The following CENPK variants were observed in gnomAD, a reference collection of about 807,000 sequenced individuals.
The protein encoded by CENPK is centromere protein K, also known as SoxLZ/Sox6-binding protein Solt.
In CENPK, 46 loss-of-function variants were observed where a neutral mutation model predicts 40.9. The ratio of observed to expected loss-of-function variants is 1.13; its 90% CI spans 0.89 to 1.44. The LOEUF (loss-of-function observed/expected upper bound fraction) is 1.44. Ranked by LOEUF, CENPK falls within the 40% of genes most tolerant of loss-of-function variation. The pLI, the probability that CENPK is intolerant of heterozygous loss-of-function variation, is 0.00. For synonymous variants in CENPK, 107 were observed against 104.4 expected, an observed-to-expected ratio of 1.02 and a Z score of -0.15; for missense variants, 288 against 303.5, an observed-to-expected ratio of 0.95 and a Z score of 0.38.
At chr5:65,528,876 A>G in intron 8 of CENPK, 43 bp downstream of exon 8, 2 of 1,225,760 alleles carry the variant, frequency 1.6e-6, no homozygotes, top group Non-Finnish European at 2.3e-6. Context: ...CAAAAAATAA[A>G]ATACTTTTCC....
chr5:65,562,528 AAG>A (rs1338277034), intron 1 of CENPK, among the ~76,000 whole-genome samples: 1 of 152,220 alleles, frequency 6.6e-6, no homozygotes, highest in African/African-American at 2.4e-5. Flanking sequence ...GCAGAGAAAA[AAG>A]AAGTGTTTTA....
At chr5:65,515,605 C>G (rs946411956), downstream of CENPK, among the ~76,000 whole-genome samples, 10 of 152,178 alleles carry the variant, frequency 6.6e-5, no homozygotes, top group Admixed American at 5.9e-4. Context: ...GTTCCTTAAT[C>G]TACAAGTATT....
At chr5:65,500,864 G>A in the CENPK span, among the ~76,000 whole-genome samples, 1 of 151,902 alleles carries the variant, frequency 6.6e-6, no homozygotes, top group Non-Finnish European at 1.5e-5. Context: ...TAGAGACGGG[G>A]TTACACCATG....
chr5:65,518,565 T>C lies in CENPK; in HGVS notation c.720A>G (p.Pro240=), dbSNP rs112503088. The C allele has an allele frequency of 3.1e-6, 5 of 1,612,012 alleles. No individual in the cohort carries two copies. The African/African-American group carries it at 4.0e-5, about 13-fold the overall frequency. Residue 240 remains proline (P), a synonymous_variant, in exon 11 of 11, where the codon CCA becomes CCG. Coordinates refer to ENST00000396679, the MANE Select transcript of CENPK (RefSeq NM_022145.5). ...TACGCAGCAGCAGCTCAACATAAGG[T>C]GGCCAAAAGGAATCACTAATTTTGA... ...PYVKISDSFW[P]PYVELLLRNG...
intron 5 of CENPK, among the ~76,000 whole-genome samples, chr5:65,545,252 A>G (rs1748679731): frequency 1.3e-5 from 2 of 151,956 alleles, no homozygotes; most frequent in Admixed American, 1.3e-4. Flanking sequence ...ATAAAGCCAA[A>G]GAAATCCAGG....
At chr5:65,540,810 T>C (rs923123599) in intron 6 of CENPK, among the ~76,000 whole-genome samples, 2 of 25,274 alleles carry the variant, frequency 7.9e-5, no homozygotes, top group African/African-American at 3.0e-4. Flanking sequence ...ACTGTATCCT[T>C]TTTTTTTTTT....
intron 6 of CENPK, among the ~76,000 whole-genome samples, chr5:65,532,352 T>C (rs891016396): frequency 1.3e-5 from 2 of 152,212 alleles, no homozygotes; most frequent in Non-Finnish European, 2.9e-5. Context: ...AAAAAATTAC[T>C]ATTCTATACA....
chr5:65,549,251 C>T (rs540147748), intron 5 of CENPK, among the ~76,000 whole-genome samples: 274 of 151,986 alleles, frequency 1.8e-3, no homozygotes, highest in Non-Finnish European at 2.9e-3. Context: ...TGGGCTTAAA[C>T]TATTCAGTAA....
intron 6 of CENPK, among the ~76,000 whole-genome samples, chr5:65,535,224 C>A: frequency 6.6e-6 from 1 of 151,990 alleles, no homozygotes; most frequent in East Asian, 1.9e-4. Flanking sequence ...AGAACAAAAC[C>A]CTGTCGAGGA....
intron 4 of CENPK, among the ~76,000 whole-genome samples, chr5:65,551,960 ATTT>A (rs369700253): frequency 1.6e-5 from 2 of 125,300 alleles, no homozygotes; most frequent in Admixed American, 8.1e-5. Flanking sequence ...CCTTTGTTCT[ATTT>A]TTTTTTTTTT....
intron 6 of CENPK, among the ~76,000 whole-genome samples, chr5:65,535,229 C>T (rs777174825): frequency 9.0e-5 from 13 of 145,084 alleles, no homozygotes; most frequent in Middle Eastern, 3.4e-3. Context: ...AAAACCCTGT[C>T]GAGGATGGAA....
chr5:65,512,590 T>C, the CENPK span, among the ~76,000 whole-genome samples: 1 of 152,360 alleles, frequency 6.6e-6, no homozygotes, highest in East Asian at 1.9e-4. Context: ...TTAAATAATG[T>C]ATGCACATTT....
chr5:65,503,172 C>T, the CENPK span, among the ~76,000 whole-genome samples: 15 of 145,520 alleles, frequency 1.0e-4, no homozygotes, highest in Middle Eastern at 3.6e-3. Context: ...TGCAGTGTCT[C>T]GATCTCAGCT....
intron 10 of CENPK, among the ~76,000 whole-genome samples, chr5:65,519,294 A>C (rs1743275144): frequency 6.6e-6 from 1 of 152,238 alleles, no homozygotes; most frequent in Non-Finnish European, 1.5e-5. Context: ...AAGCTAGCTA[A>C]TGTGGATTGA....
the CENPK span, among the ~76,000 whole-genome samples, chr5:65,497,889 TA>T: frequency 6.6e-6 from 1 of 151,864 alleles, no homozygotes; most frequent in East Asian, 1.9e-4. Flanking sequence ...AATAAATAAA[TA>T]AATAAAATAT....
the CENPK span, among the ~76,000 whole-genome samples, chr5:65,509,221 C>T: frequency 6.6e-6 from 1 of 152,182 alleles, no homozygotes; most frequent in Non-Finnish European, 1.5e-5. Flanking sequence ...CAGTTATAAA[C>T]AATACGCTTG....
At chr5:65,496,445 T>C in the CENPK span, among the ~76,000 whole-genome samples, 1 of 152,166 alleles carries the variant, frequency 6.6e-6, no homozygotes, top group Non-Finnish European at 1.5e-5. Context: ...TCCAGTAGCC[T>C]TAAAAATGTT....
At chr5:65,540,254 T>C (rs775263354) in intron 6 of CENPK, among the ~76,000 whole-genome samples, 2 of 152,234 alleles carry the variant, frequency 1.3e-5, no homozygotes, top group Non-Finnish European at 2.9e-5. Flanking sequence ...ATACCTTCAA[T>C]ACTTTTCTTA....
the CENPK span, among the ~76,000 whole-genome samples, chr5:65,509,759 T>C: frequency 2.0e-5 from 3 of 152,216 alleles, no homozygotes; most frequent in Non-Finnish European, 2.9e-5. Context: ...GGTAACCCTG[T>C]GTTGAGCAAG....
Sources: allele counts gnomAD v4.1 joint callset (sites outside exome capture counted in the v4.1 genomes callset), GRCh38; gene constraint gnomAD v4.1.1; transcripts MANE v1.5; gene names NCBI Gene and HGNC (gene_info 2026-07-23, HGNC 2026-07-21).